Variants in SCRG1 observed in about 807,000 individuals in gnomAD.
The protein encoded by SCRG1 is stimulator of chondrogenesis 1.
SCRG1 carries 3 observed loss-of-function variants against 7.7 expected under a neutral mutation model. That is an observed-to-expected ratio of 0.39 (90% CI 0.18 to 1.01). The LOEUF (loss-of-function observed/expected upper bound fraction) is 1.01, where lower values mean the gene tolerates loss of function less well. SCRG1 is among the 50% of genes least tolerant of loss of function. The probability of loss-of-function intolerance (pLI) is 0.36; values close to 1 mark genes in which losing one functional copy is unlikely to be tolerated. For synonymous variants in SCRG1, 46 were observed against 41.2 expected (o/e 1.12, Z -0.44); for missense variants, 110 against 117.2 (o/e 0.94, Z 0.28).
the SCRG1 span, among the ~76,000 whole-genome samples, chr4:173,467,363 A>T: frequency 6.6e-6 from 1 of 152,186 alleles, no homozygotes; most frequent in East Asian, 1.9e-4. Context: ...GTGATTAGCC[A>T]ATGCACTAGA....
chr4:173,503,722 T>G, the SCRG1 span, among the ~76,000 whole-genome samples: 1 of 152,172 alleles, frequency 6.6e-6, no homozygotes, highest in Admixed American at 6.5e-5. This position sits in a 1 kb window ranked among gnomAD's most constrained non-coding sequence, Gnocchi z 6.4. Flanking sequence ...CCAACCCAGA[T>G]GTGCCTGACT....
chr4:173,458,271 A>C, the SCRG1 span, among the ~76,000 whole-genome samples: 1 of 152,208 alleles, frequency 6.6e-6, no homozygotes, highest in African/African-American at 2.4e-5. Flanking sequence ...GTGAAAGAAA[A>C]AATCAGATTA....
At chr4:173,482,381 G>C in the SCRG1 span, among the ~76,000 whole-genome samples, 2 of 152,136 alleles carry the variant, frequency 1.3e-5, no homozygotes, top group African/African-American at 2.4e-5. Context: ...TACTAGTGTA[G>C]AAGCATTTTT....
the SCRG1 span, among the ~76,000 whole-genome samples, chr4:173,420,380 A>G: frequency 6.6e-6 from 1 of 152,236 alleles, no homozygotes; most frequent in African/African-American, 2.4e-5. Flanking sequence ...TGTTTACTGC[A>G]ATCTTTTAAA....
chr4:173,484,467 TAA>T, the SCRG1 span, among the ~76,000 whole-genome samples: 1 of 17,844 alleles, frequency 5.6e-5, no homozygotes, highest in Non-Finnish European at 1.3e-4. Flanking sequence ...TATATACATA[TAA>T]TATATAATAT....
At chr4:173,483,241 TGA>T in the SCRG1 span, among the ~76,000 whole-genome samples, 3 of 79,744 alleles carry the variant, frequency 3.8e-5, no homozygotes, top group South Asian at 7.7e-4. Flanking sequence ...ATATAATATA[TGA>T]TATATCATAT....
intron 2 of SCRG1, among the ~76,000 whole-genome samples, chr4:173,390,689 A>T (rs1399434462): frequency 1.3e-5 from 2 of 152,092 alleles, no homozygotes; most frequent in African/African-American, 4.8e-5. Flanking sequence ...GGGTTTCACC[A>T]TGTTGGCCAA....
chr4:173,487,574 G>T, the SCRG1 span, among the ~76,000 whole-genome samples: 1 of 152,106 alleles, frequency 6.6e-6, no homozygotes, highest in African/African-American at 2.4e-5. Context: ...AATTTAAAAT[G>T]AGAAAATAAA....
chr4:173,486,204 A>T, the SCRG1 span, among the ~76,000 whole-genome samples: 1 of 152,048 alleles, frequency 6.6e-6, no homozygotes, highest in East Asian at 1.9e-4. Context: ...CATTCTCCAT[A>T]TTTTTTAAAG....
At chr4:173,486,076 A>G in the SCRG1 span, among the ~76,000 whole-genome samples, 1 of 152,230 alleles carries the variant, frequency 6.6e-6, no homozygotes, top group Non-Finnish European at 1.5e-5. Flanking sequence ...ACTGCATTTT[A>G]AAGTAAATCC....
chr4:173,435,448 G>A, the SCRG1 span, among the ~76,000 whole-genome samples: 1 of 152,190 alleles, frequency 6.6e-6, no homozygotes, highest in Non-Finnish European at 1.5e-5. Context: ...TCCGAGGGGT[G>A]CCCTGCTCTC....
the SCRG1 span, among the ~76,000 whole-genome samples, chr4:173,518,186 G>C: frequency 1.3e-5 from 2 of 152,238 alleles, no homozygotes; most frequent in South Asian, 2.1e-4. Context: ...AAAGAGGACC[G>C]GGAGGGCAGG....
the SCRG1 span, among the ~76,000 whole-genome samples, chr4:173,435,463 T>C: frequency 6.6e-6 from 1 of 152,182 alleles, no homozygotes; most frequent in African/African-American, 2.4e-5. Context: ...GCTCTCAGGA[T>C]GCTGGGATAT....
At chr4:173,463,507 C>T in the SCRG1 span, among the ~76,000 whole-genome samples, 57 of 152,204 alleles carry the variant, frequency 3.7e-4, no homozygotes, top group Non-Finnish European at 6.8e-4. Context: ...CTCCTGACCT[C>T]GAGTGATCTG....
At chr4:173,436,137 C>T in the SCRG1 span, among the ~76,000 whole-genome samples, 1 of 152,152 alleles carries the variant, frequency 6.6e-6, no homozygotes, top group Non-Finnish European at 1.5e-5. Context: ...CAGCCAATCG[C>T]CTGGTGGAGT....
the SCRG1 span, among the ~76,000 whole-genome samples, chr4:173,451,275 TC>T: frequency 6.7e-6 from 1 of 149,920 alleles, no homozygotes; most frequent in African/African-American, 2.5e-5. Flanking sequence ...GCTTTGTTAT[TC>T]CCATAATATA....
At chr4:173,464,635 G>A in the SCRG1 span, among the ~76,000 whole-genome samples, 1 of 152,184 alleles carries the variant, frequency 6.6e-6, no homozygotes, top group African/African-American at 2.4e-5. Context: ...CTCATGCTTT[G>A]CTGGTGGGCC....
At chr4:173,462,342 C>T in the SCRG1 span, among the ~76,000 whole-genome samples, 9 of 135,534 alleles carry the variant, frequency 6.6e-5, no homozygotes, top group African/African-American at 9.8e-5. Flanking sequence ...AATGGAGCTC[C>T]GATACTTCTG....
the SCRG1 span, among the ~76,000 whole-genome samples, chr4:173,417,224 A>C: frequency 1.1e-4 from 16 of 152,314 alleles, no homozygotes; most frequent in Non-Finnish European, 1.5e-4. Flanking sequence ...AAAACTAAAC[A>C]GCACCTCTGG....
Sources: gnomAD v4.1 joint callset for allele counts (sites outside exome capture counted in the v4.1 genomes callset) on GRCh38, gnomAD v4.1.1 for gene constraint, Gnocchi (gnomAD v3.1) non-coding constraint, MANE v1.5 for transcripts, NCBI Gene and HGNC (gene_info 2026-07-23, HGNC 2026-07-21) for gene names.